KAZN: variants seen among roughly 807,000 people sequenced by gnomAD.
The protein encoded by KAZN is kazrin, periplakin interacting protein, also known as kazrin.
In KAZN, 40 loss-of-function variants were observed where a neutral mutation model predicts 87.4. The observed-to-expected ratio is 0.46, with a 90% CI of 0.36 to 0.60. The LOEUF (loss-of-function observed/expected upper bound fraction) is 0.60. Among genes scored for constraint, KAZN ranks in the 20% least tolerant of loss-of-function variants. The pLI is 0.00. For missense variants in KAZN, 898 were observed against 1,073.9 expected (o/e 0.84, Z 2.29); for synonymous variants, 466 against 458.3 (o/e 1.02, Z -0.22).
At chr1:14,847,633 A>G (rs999378383) in intron 1 of KAZN, among the ~76,000 whole-genome samples, 2 of 152,210 alleles carry the variant, frequency 1.3e-5, no homozygotes, top group African/African-American at 4.8e-5. Flanking sequence ...AATCTGTTCC[A>G]TGATGCCAGG....
chr1:14,612,045 T>C (rs1396649132), intron 1 of KAZN, among the ~76,000 whole-genome samples: 3 of 152,214 alleles, frequency 2.0e-5, no homozygotes, highest in Non-Finnish European at 4.4e-5. Flanking sequence ...CCCTTGGACA[T>C]GTATTAATCG....
At chr1:15,055,987 A>C in intron 4 of KAZN, 104 bp from the exon 5 acceptor site, 1 of 1,127,604 alleles carries the variant, frequency 8.9e-7, no homozygotes, top group Non-Finnish European at 1.3e-6. Flanking sequence ...TACCCGGTGC[A>C]GAGGATCCGG....
At chr1:13,992,900 T>G (rs1465430252) in intron 1 of KAZN, among the ~76,000 whole-genome samples, 13 of 152,310 alleles carry the variant, frequency 8.5e-5, no homozygotes, top group Admixed American at 6.5e-5. Context: ...AGAACAATTT[T>G]TATTTATTTT....
At chr1:14,666,260 T>C (rs1158459252) in intron 1 of KAZN, among the ~76,000 whole-genome samples, 4 of 152,142 alleles carry the variant, frequency 2.6e-5, no homozygotes, top group Admixed American at 6.5e-5. Flanking sequence ...ATGGTCTTGT[T>C]GGGTGAGTCG....
At chr1:14,403,236 A>G (rs1248625239) in intron 2 of KAZN, among the ~76,000 whole-genome samples, 1 of 152,230 alleles carries the variant, frequency 6.6e-6, no homozygotes, top group African/African-American at 2.4e-5. Flanking sequence ...TTTGTATGTA[A>G]GAAAAAAATG....
intron 1 of KAZN, among the ~76,000 whole-genome samples, chr1:14,787,446 G>A (rs1189012938): frequency 1.3e-5 from 2 of 152,148 alleles, no homozygotes; most frequent in African/African-American, 2.4e-5. Flanking sequence ...GTGTACTTGG[G>A]TTGATCTCTT....
chr1:15,105,381 C>T (rs1038934286), intron 13 of KAZN, among the ~76,000 whole-genome samples: 3 of 152,182 alleles, frequency 2.0e-5, no homozygotes, highest in African/African-American at 7.2e-5. Flanking sequence ...CTTCTTGAGG[C>T]AGTTTCAGTA....
chr1:14,943,214 A>G (rs1457738306), intron 1 of KAZN, among the ~76,000 whole-genome samples: 1 of 150,300 alleles, frequency 6.7e-6, no homozygotes, highest in East Asian at 2.0e-4. Context: ...TTTGGTGGGA[A>G]GTCAGAGGCC....
chr1:14,655,529 G>A (rs756919844), intron 1 of KAZN, among the ~76,000 whole-genome samples: 3 of 152,182 alleles, frequency 2.0e-5, no homozygotes, highest in Non-Finnish European at 2.9e-5. Context: ...GGAGCTTAAC[G>A]GAGGTGGTTT....
intron 2 of KAZN, among the ~76,000 whole-genome samples, chr1:14,456,604 A>G (rs921442431): frequency 2.6e-5 from 4 of 152,142 alleles, no homozygotes; most frequent in African/African-American, 9.7e-5. Context: ...CGGCCTCCAT[A>G]TGTTACTTCT....
At chr1:14,151,309 T>C (rs1348722423) in intron 1 of KAZN, among the ~76,000 whole-genome samples, 1 of 152,178 alleles carries the variant, frequency 6.6e-6, no homozygotes, top group Non-Finnish European at 1.5e-5. Flanking sequence ...CATGCATTTT[T>C]TTTTCAGGAC....
chr1:13,922,302 T>C (rs527604090), intron 1 of KAZN, among the ~76,000 whole-genome samples: 4 of 152,204 alleles, frequency 2.6e-5, no homozygotes, highest in Non-Finnish European at 5.9e-5. Context: ...ATCACGTATG[T>C]ATTAGACTTT....
chr1:14,692,274 G>T, intron 1 of KAZN: 1 of 697,990 alleles, frequency 1.4e-6, no homozygotes, highest in Non-Finnish European at 2.1e-6. Context: ...CATCATCTGG[G>T]ATTCTTGTAG....
At chr1:14,268,711 G>T (rs1651692027) in intron 2 of KAZN, among the ~76,000 whole-genome samples, 1 of 152,246 alleles carries the variant, frequency 6.6e-6, no homozygotes, top group East Asian at 1.9e-4. Flanking sequence ...GACCTGCTAG[G>T]TTAATAAACA....
At chr1:14,182,144 C>A (rs1646211638) in intron 2 of KAZN, among the ~76,000 whole-genome samples, 1 of 151,986 alleles carries the variant, frequency 6.6e-6, no homozygotes, top group Admixed American at 6.6e-5. Flanking sequence ...GTGTAGTCAT[C>A]GTGTAGGAAT....
intron 2 of KAZN, among the ~76,000 whole-genome samples, chr1:15,020,561 A>G (rs976283993): frequency 6.6e-6 from 1 of 151,988 alleles, no homozygotes; most frequent in Admixed American, 6.5e-5. Flanking sequence ...CAGAAGCGCG[A>G]CACTCGGTCC....
intron 5 of KAZN, among the ~76,000 whole-genome samples, chr1:15,057,319 C>T (rs184259609): frequency 1.3e-5 from 2 of 152,330 alleles, no homozygotes; most frequent in East Asian, 3.9e-4. Context: ...ACACAACGTA[C>T]GTTAAAGACG....
At chr1:14,684,770 G>A (rs1279909368) in intron 1 of KAZN, among the ~76,000 whole-genome samples, 2 of 152,116 alleles carry the variant, frequency 1.3e-5, no homozygotes, top group African/African-American at 4.8e-5. Context: ...GACTTCTCCT[G>A]CACTCATCTT....
chr1:15,079,936 T>C (rs542358316), intron 8 of KAZN, among the ~76,000 whole-genome samples: 1 of 152,336 alleles, frequency 6.6e-6, no homozygotes, highest in Non-Finnish European at 1.5e-5. Flanking sequence ...TCATTGTCAT[T>C]GGATAACTAT....
Sources: allele counts gnomAD v4.1 joint callset (sites outside exome capture counted in the v4.1 genomes callset), GRCh38; gene constraint gnomAD v4.1.1; transcripts MANE v1.5; gene names NCBI Gene and HGNC (gene_info 2026-07-23, HGNC 2026-07-21).